The following TMEM132D variants were observed in gnomAD, a reference collection of about 807,000 sequenced individuals.
TMEM132D encodes mature OL transmembrane protein.
A neutral mutation model predicts 62.3 loss-of-function variants in TMEM132D; 21 were observed. The ratio of observed to expected loss-of-function variants is 0.34; its 90% CI spans 0.24 to 0.49. TMEM132D has a LOEUF of 0.49. TMEM132D is among the 20% of genes least tolerant of loss of function. The pLI is 0.99. For missense variants in TMEM132D, 1,346 were observed against 1,402.8 expected, an observed-to-expected ratio of 0.96 and a Z score of 0.65; for synonymous variants, 621 against 575.6, an observed-to-expected ratio of 1.08 and a Z score of -1.13.
At chr12:129,126,344 CT>C (rs1876212583) in intron 5 of TMEM132D, among the ~76,000 whole-genome samples, 1 of 150,604 alleles carries the variant, frequency 6.6e-6, no homozygotes, top group African/African-American at 2.5e-5. Flanking sequence ...ATTCTCTTGC[CT>C]CAGTTTCTCT....
At chr12:129,576,397 C>T (rs1877658594) in intron 2 of TMEM132D, among the ~76,000 whole-genome samples, 4 of 151,546 alleles carry the variant, frequency 2.6e-5, no homozygotes, top group Admixed American at 2.0e-4. Flanking sequence ...AGAAACAGAA[C>T]AACAGAATAT....
chr12:129,323,614 C>T (rs1325801880), intron 4 of TMEM132D, among the ~76,000 whole-genome samples: 1 of 152,132 alleles, frequency 6.6e-6, no homozygotes, highest in Non-Finnish European at 1.5e-5. Context: ...GGGAAGTTCA[C>T]AGGTTATAAA....
At chr12:129,861,756 A>AC (rs1873907205) in intron 1 of TMEM132D, among the ~76,000 whole-genome samples, 2 of 92,696 alleles carry the variant, frequency 2.2e-5, no homozygotes, top group East Asian at 8.0e-4. Context: ...TCTGTCTCAA[A>AC]GAAAAAAAAA....
chr12:129,648,536 C>T (rs1307026568), intron 2 of TMEM132D, among the ~76,000 whole-genome samples: 1 of 152,178 alleles, frequency 6.6e-6, no homozygotes, highest in Admixed American at 6.5e-5. Context: ...GCAAGGTGAG[C>T]CCATTGGGCA....
intron 1 of TMEM132D, among the ~76,000 whole-genome samples, chr12:129,753,124 G>A (rs1319661503): frequency 1.3e-5 from 2 of 152,182 alleles, no homozygotes; most frequent in Non-Finnish European, 2.9e-5. Flanking sequence ...TCACAAAGCT[G>A]CAGATGGATG....
chr12:129,554,960 C>T (rs1220724785), intron 2 of TMEM132D, among the ~76,000 whole-genome samples: 1 of 152,158 alleles, frequency 6.6e-6, no homozygotes. Flanking sequence ...ATAATTCTCT[C>T]TTCTAGCCCT....
At chr12:129,255,621 G>T (rs1397407880) in intron 4 of TMEM132D, among the ~76,000 whole-genome samples, 1 of 152,150 alleles carries the variant, frequency 6.6e-6, no homozygotes, top group African/African-American at 2.4e-5. Flanking sequence ...GTTTATCTGT[G>T]TTTATACCTG....
At chr12:129,172,012 A>G (rs1450945526) in intron 5 of TMEM132D, among the ~76,000 whole-genome samples, 2 of 152,216 alleles carry the variant, frequency 1.3e-5, no homozygotes, top group Non-Finnish European at 2.9e-5. Context: ...CCAGCTATGA[A>G]AGCACTAGAT....
At chr12:129,255,106 T>C (rs1324642262) in intron 4 of TMEM132D, among the ~76,000 whole-genome samples, 4 of 152,202 alleles carry the variant, frequency 2.6e-5, no homozygotes, top group Non-Finnish European at 4.4e-5. Context: ...GCTCCAGCCA[T>C]GTGAGACGTG....
chr12:129,564,089 A>G (rs2137115192), intron 2 of TMEM132D, among the ~76,000 whole-genome samples: 1 of 152,318 alleles, frequency 6.6e-6, no homozygotes, highest in South Asian at 2.1e-4. Context: ...GTCCCAAAGT[A>G]TCAGGCACAT....
intron 3 of TMEM132D, among the ~76,000 whole-genome samples, chr12:129,443,305 C>T (rs905487278): frequency 1.1e-4 from 17 of 152,212 alleles, no homozygotes; most frequent in African/African-American, 3.6e-4. Flanking sequence ...GCCGCCTCCC[C>T]GACCGTATCC....
Position 129,755,567 on chromosome 12 carries a change from C to T in TMEM132D, c.80-54869G>A, listed in dbSNP as rs190849486. Among the ~76,000 whole-genome samples, 5 of 152,230 alleles carry T rather than the reference C, an allele frequency of 3.3e-5. No individual in the cohort carries two copies. In the East Asian group the frequency reaches 9.7e-4, roughly 29 times the overall value. The stretch of plus-strand genomic sequence containing the variant: ...AGAGGCAAACAAAGCAAATTGGTGC[C>T]ACCAAAACTCATAGCTGGTCTCTAG... On this transcript the variant is annotated intron_variant, in intron 1 of 8. Coordinates refer to ENST00000422113, the MANE Select transcript of TMEM132D (RefSeq NM_133448.3).
At position 129,679,180 on chromosome 12, in the gene TMEM132D, T is replaced by C. The variant is rs1031123357; in HGVS notation, c.968+20630A>G. On this transcript the variant is annotated intron_variant, in intron 2 of 8. Transcript: ENST00000422113. The stretch of plus-strand genomic sequence containing the variant: ...AGTTACATTGGCTCTATGGATTAAT[T>C]GGAGGTAAACTGACACTTTTGTGTC... Among the ~76,000 whole-genome samples, 12 of 152,092 alleles carry C rather than the reference T, an allele frequency of 7.9e-5. No homozygotes were observed. In the East Asian group the frequency reaches 2.3e-3, roughly 29 times the overall value.
intron 3 of TMEM132D, among the ~76,000 whole-genome samples, chr12:129,341,572 T>A (rs1430024310): frequency 6.6e-6 from 1 of 152,208 alleles, no homozygotes; most frequent in African/African-American, 2.4e-5. Context: ...AAGTTAGGCA[T>A]TCCTAGCCTC....
At chr12:129,665,970 G>A (rs879706728) in intron 2 of TMEM132D, among the ~76,000 whole-genome samples, 1 of 152,056 alleles carries the variant, frequency 6.6e-6, no homozygotes, top group Non-Finnish European at 1.5e-5. Flanking sequence ...CTTCTTATGT[G>A]AAATAAATTG....
intron 2 of TMEM132D, among the ~76,000 whole-genome samples, chr12:129,578,388 G>T (rs904919017): frequency 6.0e-5 from 8 of 132,534 alleles, no homozygotes; most frequent in Non-Finnish European, 1.1e-4. Flanking sequence ...TTTTTCTGGA[G>T]AACGCTGAGT....
intron 4 of TMEM132D, among the ~76,000 whole-genome samples, chr12:129,279,798 T>C (rs1369255982): frequency 6.6e-6 from 1 of 152,212 alleles, no homozygotes; most frequent in Non-Finnish European, 1.5e-5. Flanking sequence ...GATGGTGATC[T>C]CATGTTTTAC....
intron 5 of TMEM132D, among the ~76,000 whole-genome samples, chr12:129,190,200 A>G (rs1390613187): frequency 1.3e-5 from 1 of 74,604 alleles, no homozygotes; most frequent in African/African-American, 5.9e-5. Context: ...GGAGGGAGGG[A>G]GTCTCAGGCC....
chr12:129,405,470 C>T (rs1871754507), intron 3 of TMEM132D, among the ~76,000 whole-genome samples: 2 of 152,102 alleles, frequency 1.3e-5, no homozygotes, highest in African/African-American at 4.8e-5. Flanking sequence ...TGAACAAATA[C>T]ATAAATATGA....
Sources: allele counts gnomAD v4.1 joint callset (sites outside exome capture counted in the v4.1 genomes callset), GRCh38; gene constraint gnomAD v4.1.1; transcripts MANE v1.5; gene names NCBI Gene and HGNC (gene_info 2026-07-23, HGNC 2026-07-21).